Variants in MRGPRX3 observed in about 807,000 individuals in gnomAD.
The protein encoded by MRGPRX3 is mas-related G protein-coupled receptor member X3.
Under a neutral mutation model 16.5 loss-of-function variants are expected in MRGPRX3, and 14 were observed. That is an observed-to-expected ratio of 0.85 (90% CI 0.56 to 1.33). The LOEUF is 1.33. Among genes scored for constraint, MRGPRX3 ranks in the 40% most tolerant of loss-of-function variants. The pLI is 0.00. For missense variants in MRGPRX3, 449 were observed against 413.0 expected, an observed-to-expected ratio of 1.09 and a Z score of -0.76; for synonymous variants, 199 against 180.1, an observed-to-expected ratio of 1.10 and a Z score of -0.84.
chr11:18,123,221 G>C (rs1848857762), intron 1 of MRGPRX3, among the ~76,000 whole-genome samples: 1 of 152,094 alleles, frequency 6.6e-6, no homozygotes, highest in African/African-American at 2.4e-5. Flanking sequence ...TTTGGCTTTT[G>C]TTGCCATTGC....
rs749363072 is a variant in MRGPRX3, at chr11:18,137,431, A to G, written c.229A>G (p.Ser77Gly). 1.2e-6 allele frequency: 2 copies of G among 1,614,122 alleles called. No homozygotes were observed. The highest frequency in any genetic ancestry group is 1.7e-6 in the Non-Finnish European group (2 of 1,180,030). Reference protein sequence around the residue: ...NLVAADFLFLSGHIICSPLRL... With the variant: ...NLVAADFLFLGGHIICSPLRL... ...GGTCGCGGCCGACTTCCTCTTCCTTAGCGGCCACATTATATGTTCGCCGTT... is the reference window on the plus strand; with the variant it reads ...GGTCGCGGCCGACTTCCTCTTCCTTGGCGGCCACATTATATGTTCGCCGTT... Residue 77 changes from serine (S) to glycine (G), a missense_variant, in exon 2 of 2, where the codon AGC becomes GGC. Transcript: ENST00000621697.
upstream of MRGPRX3, among the ~76,000 whole-genome samples, chr11:18,131,488 A>G (rs1350716513): frequency 6.6e-6 from 1 of 152,204 alleles, no homozygotes; most frequent in Non-Finnish European, 1.5e-5. Flanking sequence ...ATGCGATACC[A>G]CCTTACTCCT....
At chr11:18,128,875 C>T (rs555254613), upstream of MRGPRX3, among the ~76,000 whole-genome samples, 20 of 152,330 alleles carry the variant, frequency 1.3e-4, no homozygotes, top group South Asian at 2.1e-4. Context: ...GTGTTGCTCA[C>T]GCTGGGAGCT....
At position 18,137,500 on chromosome 11, in the gene MRGPRX3, C is replaced by A. The variant is rs1402044570; in HGVS notation, c.298C>A (p.Pro100Thr). The A allele has an allele frequency of 9.3e-6, 15 of 1,614,120 alleles. No homozygotes were observed. Among genetic ancestry groups the A allele is most frequent in the Non-Finnish European group, 1.3e-5 (15 of 1,180,028 alleles). Residue 100 changes from proline (P) to threonine (T), a missense_variant, in exon 2 of 2, where the codon CCT (proline) becomes ACT (threonine). Pro to Thr is a conservative substitution (Grantham distance 38). Coordinates refer to ENST00000621697, the MANE Select transcript of MRGPRX3 (RefSeq NM_001370464.1). ...CCATCCCATCTCCAAAATCCTCAGT[C>A]CTGTGATGACCTTTCCCTACTTTAT... ...IRHPISKILS[P>T]VMTFPYFIGL...
At chr11:18,129,188 C>T (rs958567564), upstream of MRGPRX3, among the ~76,000 whole-genome samples, 49 of 151,990 alleles carry the variant, frequency 3.2e-4, no homozygotes, top group African/African-American at 1.0e-3. Context: ...TAAATAAAAA[C>T]GATCAGAGCA....
At chr11:18,129,144 A>T (rs1176383288), upstream of MRGPRX3, among the ~76,000 whole-genome samples, 1 of 152,246 alleles carries the variant, frequency 6.6e-6, no homozygotes, top group Non-Finnish European at 1.5e-5. Flanking sequence ...CTAGAGAAGC[A>T]AGAACAAACT....
At chr11:18,133,361 G>A (rs192398428) in intron 1 of MRGPRX3, among the ~76,000 whole-genome samples, 36 of 152,300 alleles carry the variant, frequency 2.4e-4, no homozygotes, top group Non-Finnish European at 1.3e-4. Context: ...GAAGCCCTGC[G>A]TGGCCAACGC....
At chr11:18,121,438 G>C (rs1410254990) in intron 1 of MRGPRX3, among the ~76,000 whole-genome samples, 2 of 151,960 alleles carry the variant, frequency 1.3e-5, no homozygotes, top group Non-Finnish European at 1.5e-5. Context: ...CACACGCTCC[G>C]ACCGGGAGGG....
Position 18,137,271 on chromosome 11 carries a change from C to G in MRGPRX3, c.69C>G (p.Cys23Trp), listed in dbSNP as rs200552961. 6.8e-6 allele frequency: 11 copies of G among 1,613,932 alleles called. No homozygotes were observed. Among genetic ancestry groups the G allele is most frequent in the Non-Finnish European group, 9.3e-6 (11 of 1,179,974 alleles). ...TCAACGGACGTGAGGAGACTCCTTG[C>G]TACAAGCAGACCCTGAGCTTCACGG... ...TPINGREETP[C>W]YKQTLSFTGL... Residue 23 changes from cysteine (C) to tryptophan (W), a missense_variant, in exon 2 of 2, where the codon TGC (cysteine) becomes TGG (tryptophan). By Grantham distance (215) the Cys-to-Trp change is radical. Transcript: ENST00000621697.
intron 1 of MRGPRX3, among the ~76,000 whole-genome samples, chr11:18,133,667 C>T (rs2468841): frequency 0.18 from 27,742 of 152,162 alleles, 2,790 homozygotes; most frequent in Non-Finnish European, 0.23. Flanking sequence ...TTGGAAGCTT[C>T]CTGAGGCCTC....
At position 18,138,384 on chromosome 11, in the gene MRGPRX3, T is replaced by C. The variant is rs1162151828; in HGVS notation, c.*213T>C. On this transcript the variant is annotated 3_prime_UTR_variant, in exon 2 of 2. Transcript: ENST00000621697. ...TACAATGTTTGGATTCTCCTTGATA[T>C]TACCAATACATTTTCCCTGTTATCT... The C allele has an allele frequency of 6.3e-6, 4 of 637,170 alleles. No individual in the cohort carries two copies. The highest frequency in any genetic ancestry group is 6.9e-5 in the Admixed American group (2 of 28,914). 39.5% of individuals were successfully genotyped at this position (637,170 alleles called of 1,614,324 possible).
Position 18,137,331 on chromosome 11 carries a change from A to G in MRGPRX3, c.129A>G (p.Thr43=), listed in dbSNP as rs948767460. Reference sequence around the variant, plus strand: ...GCATCGTTTCCCTTGTCGCGCTGACAGGAAACGCGGTTGTGCTCTGGCTCC... The same window carrying G: ...GCATCGTTTCCCTTGTCGCGCTGACGGGAAACGCGGTTGTGCTCTGGCTCC... The part of the protein sequence containing the change: ...LTCIVSLVAL[T]GNAVVLWLLG... Residue 43 remains threonine (T), a synonymous_variant, in exon 2 of 2, where the codon ACA becomes ACG. Transcript: ENST00000621697. 6.2e-7 allele frequency: 1 copy of G among 1,614,066 alleles called. No homozygotes were observed. Among genetic ancestry groups the G allele is most frequent in the Non-Finnish European group, 8.5e-7 (1 of 1,180,052 alleles).
chr11:18,129,705 C>A (rs61884077), upstream of MRGPRX3, among the ~76,000 whole-genome samples: 1 of 152,016 alleles, frequency 6.6e-6, no homozygotes, highest in African/African-American at 2.4e-5. Context: ...ACTTTAATAC[C>A]AAAACCAGGA....
At chr11:18,136,798 T>C (rs1564881746) in intron 1 of MRGPRX3, among the ~76,000 whole-genome samples, 1 of 152,236 alleles carries the variant, frequency 6.6e-6, no homozygotes. Context: ...TGTCCAGAGA[T>C]GACCAGTCCT....
intron 1 of MRGPRX3, among the ~76,000 whole-genome samples, chr11:18,126,796 C>G (rs536831769): frequency 1.3e-5 from 2 of 152,302 alleles, no homozygotes; most frequent in Admixed American, 6.5e-5. Context: ...CCAGCTTCAT[C>G]CATGTCCCTA....
intron 1 of MRGPRX3, among the ~76,000 whole-genome samples, chr11:18,136,232 C>G (rs886691888): frequency 6.6e-6 from 1 of 152,188 alleles, no homozygotes; most frequent in African/African-American, 2.4e-5. Context: ...ACTTCAATTA[C>G]CTGCTGCAGT....
At chr11:18,133,645 CT>C (rs1848982868) in intron 1 of MRGPRX3, among the ~76,000 whole-genome samples, 2 of 152,196 alleles carry the variant, frequency 1.3e-5, no homozygotes, top group South Asian at 4.1e-4. Flanking sequence ...CCCCCTTTGC[CT>C]TTCACCAGGA....
chr11:18,125,734 G>C (rs1373309252), intron 1 of MRGPRX3, among the ~76,000 whole-genome samples: 1 of 152,138 alleles, frequency 6.6e-6, no homozygotes, highest in Non-Finnish European at 1.5e-5. Context: ...TTCAAGTCTT[G>C]GATATCCTTG....
rs139820480 is a variant in MRGPRX3, at chr11:18,137,250, C to T, written c.48C>T (p.Asn16=). The T allele has an allele frequency of 1.2e-5, 19 of 1,612,858 alleles. No individual in the cohort carries two copies. The highest frequency in any genetic ancestry group is 2.2e-5 in the East Asian group (1 of 44,882). ...PVLGTELTPI[N]GREETPCYKQ... ...TGGGTACAGAACTGACACCAATCAA[C>T]GGACGTGAGGAGACTCCTTGCTACA... The change falls in exon 2 of 2, where the codon AAC becomes AAT. Residue 16 remains asparagine (N), a synonymous_variant. Coordinates refer to ENST00000621697, the MANE Select transcript of MRGPRX3 (RefSeq NM_001370464.1).
Sources: gnomAD v4.1 joint callset for allele counts (sites outside exome capture counted in the v4.1 genomes callset) on GRCh38, gnomAD v4.1.1 for gene constraint, MANE v1.5 for transcripts, NCBI Gene and HGNC (gene_info 2026-07-23, HGNC 2026-07-21) for gene names.